The following PCMT1 variants were observed in gnomAD, a reference collection of about 807,000 sequenced individuals.
PCMT1 encodes protein-L-isoaspartate(D-aspartate) O-methyltransferase.
PCMT1 carries 9 observed loss-of-function variants against 29.2 expected under a neutral mutation model. The ratio of observed to expected loss-of-function variants is 0.31; its 90% CI spans 0.19 to 0.54. PCMT1 has a LOEUF of 0.54. PCMT1 is among the 20% of genes least tolerant of loss of function. PCMT1 has a pLI of 0.95. For missense variants in PCMT1, 184 were observed against 282.2 expected (o/e 0.65, Z 2.49); for synonymous variants, 98 against 97.5 (o/e 1.00, Z -0.03).
At chr6:149,810,164 C>G (rs1776123720) in intron 7 of PCMT1, 1 of 155,310 alleles carries the variant, frequency 6.4e-6, no homozygotes, top group African/African-American at 2.4e-5. Context: ...TCTCAGAGCG[C>G]TTGGGTTGAG....
At chr6:149,750,236 T>G in intron 1 of PCMT1, 1 of 520,104 alleles carries the variant, frequency 1.9e-6, no homozygotes, top group Non-Finnish European at 3.4e-6. Flanking sequence ...GGGGAGGGAG[T>G]GCAGTACAGG....
At chr6:149,756,543 T>TTTTTTTTG (rs1786517908) in intron 1 of PCMT1, among the ~76,000 whole-genome samples, 1 of 118,672 alleles carries the variant, frequency 8.4e-6, no homozygotes, top group Non-Finnish European at 1.6e-5. Context: ...TTTTTTTTTT[T>TTTTTTTTG]TGGTAGAGAC....
intron 7 of PCMT1, 102 bp from the exon 8 acceptor site, chr6:149,810,514 A>C: frequency 5.4e-5 from 39 of 726,622 alleles, no homozygotes; most frequent in Non-Finnish European, 7.9e-5. Flanking sequence ...CTTGGTGATC[A>C]GCGCATTTTT....
intron 3 of PCMT1, among the ~76,000 whole-genome samples, chr6:149,783,934 A>T (rs1052517381): frequency 6.6e-6 from 1 of 152,234 alleles, no homozygotes; most frequent in African/African-American, 2.4e-5. Context: ...GTCTCAAGTT[A>T]TCCTTCCACT....
At chr6:149,750,263 C>T (rs1412246827) in intron 1 of PCMT1, 8 of 380,416 alleles carry the variant, frequency 2.1e-5, no homozygotes, top group African/African-American at 4.2e-5. Flanking sequence ...TGCTGTCACT[C>T]AGGTCCGCGT....
intron 7 of PCMT1, 78 bp downstream of exon 7, chr6:149,802,494 C>A (rs1219884585): frequency 7.6e-7 from 1 of 1,320,052 alleles, no homozygotes; most frequent in Non-Finnish European, 9.7e-7. Context: ...TCCATTATAA[C>A]GTCAGAAATT....
chr6:149,802,535 T>C, intron 7 of PCMT1, 119 bp downstream of exon 7: 2 of 1,280,416 alleles, frequency 1.6e-6, no homozygotes, highest in South Asian at 6.0e-5. Flanking sequence ...AAATGTTGCA[T>C]GGTCTGCCCT....
chr6:149,759,195 A>C (rs752484705), intron 1 of PCMT1, among the ~76,000 whole-genome samples: 1 of 151,930 alleles, frequency 6.6e-6, no homozygotes, highest in Non-Finnish European at 1.5e-5. Flanking sequence ...TTTAAAACTA[A>C]TTCCTTTCAC....
chr6:149,752,102 C>G (rs1025276600), intron 1 of PCMT1, among the ~76,000 whole-genome samples: 24 of 141,102 alleles, frequency 1.7e-4, no homozygotes, highest in Non-Finnish European at 4.5e-5. Context: ...TGGTCTTGAA[C>G]TCCTGGACTC....
At chr6:149,755,009 G>C (rs1163421636) in intron 1 of PCMT1, among the ~76,000 whole-genome samples, 1 of 152,078 alleles carries the variant, frequency 6.6e-6, no homozygotes, top group South Asian at 2.1e-4. Context: ...GGTATGTTAC[G>C]TATAGGAAGA....
intron 3 of PCMT1, among the ~76,000 whole-genome samples, chr6:149,776,672 T>TA (rs1787584615): frequency 6.6e-6 from 1 of 152,138 alleles, no homozygotes; most frequent in South Asian, 2.1e-4. Context: ...TTTGGCCTTC[T>TA]AAAATGTTGG....
At chr6:149,771,998 T>C (rs968267529) in intron 2 of PCMT1, 1 of 456,652 alleles carries the variant, frequency 2.2e-6, no homozygotes, top group Non-Finnish European at 4.4e-6. Context: ...CTTTTTTGGC[T>C]TGTGTTTGTT....
chr6:149,793,351 A>G (rs1366408664), intron 4 of PCMT1, among the ~76,000 whole-genome samples, 198 bp from the exon 5 acceptor site: 2 of 152,174 alleles, frequency 1.3e-5, no homozygotes, highest in African/African-American at 4.8e-5. Context: ...AGTTTTATTC[A>G]ATGAGAGTGA....
chr6:149,769,377 C>T (rs1398163542), intron 1 of PCMT1, among the ~76,000 whole-genome samples: 7 of 131,698 alleles, frequency 5.3e-5, no homozygotes, highest in South Asian at 2.5e-4. Flanking sequence ...TTCAGTGGCA[C>T]GATCTCGGCT....
chr6:149,762,580 G>GATAT (rs1291337083), intron 1 of PCMT1, among the ~76,000 whole-genome samples: 7 of 33,000 alleles, frequency 2.1e-4, no homozygotes, highest in African/African-American at 2.2e-4. Flanking sequence ...ATATATCTAT[G>GATAT]ATATATATAT....
intron 5 of PCMT1, chr6:149,794,985 G>A: frequency 2.6e-6 from 1 of 388,612 alleles, no homozygotes; most frequent in South Asian, 1.9e-5. Flanking sequence ...CACTTGTCAG[G>A]AGTTCGAGAC....
chr6:149,780,365 T>C (rs1228911118), intron 3 of PCMT1, among the ~76,000 whole-genome samples: 1 of 151,870 alleles, frequency 6.6e-6, no homozygotes, highest in African/African-American at 2.4e-5. Flanking sequence ...AAGGTATAAT[T>C]CTTATACTGT....
chr6:149,786,720 C>T (rs1489159209), intron 3 of PCMT1, among the ~76,000 whole-genome samples: 3 of 143,710 alleles, frequency 2.1e-5, no homozygotes, highest in African/African-American at 5.3e-5. Context: ...CCAGACGGGG[C>T]GGCGGGGCAG....
chr6:149,808,696 G>GC (rs1776077092), intron 7 of PCMT1, among the ~76,000 whole-genome samples: 1 of 152,036 alleles, frequency 6.6e-6, no homozygotes, highest in Admixed American at 6.5e-5. Context: ...GAGTGCAGTG[G>GC]CGTGATCTCA....
Sources: allele counts gnomAD v4.1 joint callset (sites outside exome capture counted in the v4.1 genomes callset), GRCh38; gene constraint gnomAD v4.1.1; transcripts MANE v1.5; gene names NCBI Gene and HGNC (gene_info 2026-07-23, HGNC 2026-07-21).